The following NKAIN3 variants were observed in gnomAD, a reference collection of about 807,000 sequenced individuals.
NKAIN3 encodes sodium/potassium-transporting ATPase subunit beta-1-interacting protein 3.
A neutral mutation model predicts 30.2 loss-of-function variants in NKAIN3; 25 were observed. That is an observed-to-expected ratio of 0.83 (90% CI 0.60 to 1.16). The LOEUF is 1.16. NKAIN3 is among the 50% of genes most tolerant of loss of function. The pLI is 0.00. For synonymous variants in NKAIN3, 91 were observed against 89.6 expected, an observed-to-expected ratio of 1.02 and a Z score of -0.09; for missense variants, 225 against 254.1, an observed-to-expected ratio of 0.89 and a Z score of 0.78.
chr8:62,423,292 G>A (rs1195826785), intron 1 of NKAIN3, among the ~76,000 whole-genome samples: 2 of 151,904 alleles, frequency 1.3e-5, no homozygotes, highest in Admixed American at 6.6e-5. Flanking sequence ...AATAGTCATA[G>A]TCCCTTACTC....
intron 3 of NKAIN3, among the ~76,000 whole-genome samples, chr8:62,656,980 G>GTGTT (rs1812781560): frequency 6.6e-6 from 1 of 152,148 alleles, no homozygotes; most frequent in African/African-American, 2.4e-5. Context: ...GGTATTCTTT[G>GTGTT]TGTTTTCTAA....
intron 3 of NKAIN3, among the ~76,000 whole-genome samples, chr8:62,591,008 G>A: frequency 6.6e-6 from 1 of 151,934 alleles, no homozygotes; most frequent in East Asian, 1.9e-4. Flanking sequence ...TTAATGTCTA[G>A]TTATATTCTA....
intron 1 of NKAIN3, among the ~76,000 whole-genome samples, chr8:62,392,481 T>C (rs187586931): frequency 6.6e-6 from 1 of 152,146 alleles, no homozygotes; most frequent in Admixed American, 6.5e-5. Context: ...GTATTTTATA[T>C]ATATTTTACT....
At chr8:62,774,742 C>G (rs1817134211) in intron 4 of NKAIN3, among the ~76,000 whole-genome samples, 1 of 152,028 alleles carries the variant, frequency 6.6e-6, no homozygotes, top group African/African-American at 2.4e-5. Context: ...TCCTTGCATC[C>G]CTGGATAAAT....
In NKAIN3 at chr8:62,447,533, A is replaced by G. The variant is rs547260498; in HGVS notation, c.55-132006A>G. The stretch of plus-strand genomic sequence containing the variant: ...TAGCACTTTTGTCAGTAATTATCTC[A>G]GATTCTCCATGAGAAGAGAATAATT... On this transcript the variant is annotated intron_variant, in intron 1 of 6. Transcript: ENST00000623646. Among the ~76,000 whole-genome samples, 131 of 152,152 alleles carry G rather than the reference A, an allele frequency of 8.6e-4. 1 individual carries two copies. The highest frequency in any genetic ancestry group is 1.7e-3 in the Non-Finnish European group (118 of 67,888).
chr8:62,998,848 C>A (rs1804186476), intron 5 of NKAIN3, among the ~76,000 whole-genome samples: 1 of 152,134 alleles, frequency 6.6e-6, no homozygotes, highest in Non-Finnish European at 1.5e-5. Flanking sequence ...GCTTGATAAA[C>A]CAACTAAGAC....
Position 62,580,906 on chromosome 8 carries a change from T to TTATA in NKAIN3, c.192+1247_192+1250dup, listed in dbSNP as rs71255350. Among the ~76,000 whole-genome samples, 558 of 112,270 alleles carry TTATA rather than the reference T, an allele frequency of 5.0e-3. 2 individuals carry two copies. Among genetic ancestry groups the TTATA allele is most frequent in the African/African-American group, 0.011 (391 of 34,692 alleles). 73.7% of individuals were successfully genotyped at this position (112,270 alleles called of 152,430 possible). A position where few individuals can be genotyped will look rare whatever the true frequency, so the allele number is the denominator to read the frequency against. On this transcript the variant is annotated intron_variant, in intron 2 of 6. Transcript: ENST00000623646. ...AGGAGTTCAAGAGCAGCTAGGGTTTTTATATATATATATATATATAGAAAT... is the reference window on the plus strand; with the variant it reads ...AGGAGTTCAAGAGCAGCTAGGGTTTTTATATATATATATATATATATATAGAAAT...
intron 1 of NKAIN3, among the ~76,000 whole-genome samples, chr8:62,481,263 C>A (rs977246171): frequency 6.6e-6 from 1 of 152,020 alleles, no homozygotes; most frequent in African/African-American, 2.4e-5. Context: ...CTTGTAATTC[C>A]TGGTGTATCC....
chr8:62,563,852 C>T (rs1271159988), intron 1 of NKAIN3, among the ~76,000 whole-genome samples: 3 of 152,152 alleles, frequency 2.0e-5, no homozygotes, highest in Non-Finnish European at 2.9e-5. Flanking sequence ...CTTCTCCATG[C>T]ACACACTGAC....
At chr8:62,949,040 G>A (rs1026186947) in intron 5 of NKAIN3, among the ~76,000 whole-genome samples, 1 of 152,244 alleles carries the variant, frequency 6.6e-6, no homozygotes, top group African/African-American at 2.4e-5. Context: ...GAGGAGCACA[G>A]TAAATTTCTC....
At chr8:62,544,109 C>T (rs928500873) in intron 1 of NKAIN3, among the ~76,000 whole-genome samples, 1 of 152,020 alleles carries the variant, frequency 6.6e-6, no homozygotes, top group Non-Finnish European at 1.5e-5. Flanking sequence ...TCAAGAGATC[C>T]TCCCACCTCA....
At chr8:62,307,054 C>A (rs1464593377) in intron 1 of NKAIN3, among the ~76,000 whole-genome samples, 1 of 149,874 alleles carries the variant, frequency 6.7e-6, no homozygotes, top group Non-Finnish European at 1.5e-5. Context: ...GAATGATTCA[C>A]TGCTGGAATG....
chr8:62,356,911 G>A (rs189863993), intron 1 of NKAIN3, among the ~76,000 whole-genome samples: 155 of 152,064 alleles, frequency 1.0e-3, no homozygotes, highest in African/African-American at 3.6e-3. Flanking sequence ...CCAGGAGTTC[G>A]AGACCAGCCT....
At chr8:62,292,587 G>A (rs558389858) in intron 1 of NKAIN3, among the ~76,000 whole-genome samples, 2 of 152,286 alleles carry the variant, frequency 1.3e-5, no homozygotes, top group East Asian at 3.9e-4. Flanking sequence ...GGCTTGTAGA[G>A]TTTCTGCTGA....
At chr8:62,566,947 G>A (rs983515336) in intron 1 of NKAIN3, among the ~76,000 whole-genome samples, 1 of 152,044 alleles carries the variant, frequency 6.6e-6, no homozygotes, top group Admixed American at 6.6e-5. Context: ...GGCATTAGTA[G>A]TATATAGGAT....
chr8:62,922,289 C>T (rs1359206767), intron 5 of NKAIN3, among the ~76,000 whole-genome samples: 1 of 152,082 alleles, frequency 6.6e-6, no homozygotes, highest in Non-Finnish European at 1.5e-5. Flanking sequence ...ACCTGTCTGC[C>T]CATGAACTCC....
intron 4 of NKAIN3, among the ~76,000 whole-genome samples, chr8:62,907,763 G>A (rs1015473228): frequency 3.9e-5 from 6 of 152,322 alleles, no homozygotes; most frequent in Admixed American, 3.9e-4. Context: ...CCTCCACCTA[G>A]ATTTCAGAGG....
chr8:62,879,156 C>G (rs200503184), intron 4 of NKAIN3, among the ~76,000 whole-genome samples: 43,787 of 152,034 alleles, frequency 0.29, 6,592 homozygotes, highest in African/African-American at 0.35. Context: ...TATTTCTCCA[C>G]ATCCTCTCCA....
At chr8:62,318,665 G>T (rs144654789) in intron 1 of NKAIN3, among the ~76,000 whole-genome samples, 2 of 152,160 alleles carry the variant, frequency 1.3e-5, no homozygotes, top group Non-Finnish European at 2.9e-5. Flanking sequence ...AACCAGACTT[G>T]CATCCCAGGG....
Sources: gnomAD v4.1 joint callset for allele counts (sites outside exome capture counted in the v4.1 genomes callset) on GRCh38, gnomAD v4.1.1 for gene constraint, MANE v1.5 for transcripts, NCBI Gene and HGNC (gene_info 2026-07-23, HGNC 2026-07-21) for gene names.